Variants in SNTG2 observed in about 807,000 individuals in gnomAD.
SNTG2 encodes the protein syntrophin gamma 2.
A neutral mutation model predicts 70.9 loss-of-function variants in SNTG2; 74 were observed. The observed-to-expected ratio is 1.04, with a 90% CI of 0.86 to 1.27. The LOEUF (loss-of-function observed/expected upper bound fraction) is 1.27. Among genes scored for constraint, SNTG2 ranks in the 50% most tolerant of loss-of-function variants. The pLI is 0.00. For missense variants in SNTG2, 717 were observed against 690.7 expected (o/e 1.04, Z -0.43); for synonymous variants, 278 against 273.8 (o/e 1.02, Z -0.15).
chr2:984,794 C>T (rs1661250772), intron 1 of SNTG2, among the ~76,000 whole-genome samples: 1 of 152,188 alleles, frequency 6.6e-6, no homozygotes, highest in African/African-American at 2.4e-5. Context: ...TGCGTCAGCT[C>T]CACGGGGAGG....
At chr2:1,089,527 C>T (rs1005525841) in intron 2 of SNTG2, among the ~76,000 whole-genome samples, 7 of 152,156 alleles carry the variant, frequency 4.6e-5, no homozygotes, top group Non-Finnish European at 4.4e-5. Flanking sequence ...CCCAGCTACT[C>T]AGGAGGCTGA....
intron 6 of SNTG2, 65 bp from the exon 7 acceptor site, chr2:1,165,483 A>G: frequency 7.0e-7 from 1 of 1,433,894 alleles, no homozygotes; most frequent in Middle Eastern, 1.8e-4. Flanking sequence ...GAGAGATTTT[A>G]TTTTTTAATT....
intron 16 of SNTG2, among the ~76,000 whole-genome samples, chr2:1,331,921 C>G (rs376394867): frequency 2.0e-5 from 3 of 152,154 alleles, no homozygotes; most frequent in Admixed American, 6.5e-5. Flanking sequence ...TCCAGCTTCA[C>G]GACATAACCC....
chr2:1,072,746 A>T (rs1255233130), intron 1 of SNTG2, among the ~76,000 whole-genome samples: 1 of 152,164 alleles, frequency 6.6e-6, no homozygotes, highest in Non-Finnish European at 1.5e-5. Context: ...GATTCCTCTG[A>T]TGGATCTGGG....
intron 8 of SNTG2, among the ~76,000 whole-genome samples, chr2:1,201,705 G>T (rs1480697863): frequency 6.6e-6 from 1 of 151,844 alleles, no homozygotes; most frequent in African/African-American, 2.4e-5. Context: ...TCATATGCAT[G>T]TATCAAAGTA....
intron 16 of SNTG2, among the ~76,000 whole-genome samples, chr2:1,347,837 G>A (rs968766129): frequency 3.3e-5 from 5 of 152,224 alleles, no homozygotes; most frequent in Admixed American, 1.3e-4. Flanking sequence ...TAAAGGCATT[G>A]TGCCCCTGCC....
intron 4 of SNTG2, among the ~76,000 whole-genome samples, chr2:1,109,383 T>A (rs1666294859): frequency 6.6e-6 from 1 of 152,072 alleles, no homozygotes; most frequent in Non-Finnish European, 1.5e-5. Flanking sequence ...GAAAACCACA[T>A]GCTGAAAAAG....
intron 1 of SNTG2, among the ~76,000 whole-genome samples, chr2:966,241 TG>T (rs1174618682): frequency 1.3e-5 from 2 of 152,252 alleles, no homozygotes; most frequent in African/African-American, 4.8e-5. Flanking sequence ...TTAAAATGTT[TG>T]TTGTTGCACT....
At chr2:1,216,384 T>C (rs1035075069) in intron 9 of SNTG2, among the ~76,000 whole-genome samples, 5 of 151,762 alleles carry the variant, frequency 3.3e-5, no homozygotes, top group East Asian at 3.9e-4. Context: ...TGTCCTTCGC[T>C]CACTTTTTGA....
rs749824915 is a variant in SNTG2 at position 1,367,472 on chromosome 2, TA to T, written c.*1del. On this transcript the variant is annotated frameshift_variant and stop_lost, in exon 17 of 17. Transcript: ENST00000308624. LOFTEE classifies it high-confidence loss of function. ...TGCCAGAAAATACATGTACAGCAGC[TA>T]AAGGTTGTTTCTGTTGAGTGCTGAA... ...SLARKYMYSS[*>X] 8.1e-5 allele frequency: 126 copies of T among 1,549,008 alleles called. 1 individual carries two copies. The East Asian group carries it at 2.7e-3, about 33-fold the overall frequency.
chr2:1,216,034 T>C (rs1023957911), intron 9 of SNTG2, among the ~76,000 whole-genome samples: 6 of 152,240 alleles, frequency 3.9e-5, no homozygotes, highest in African/African-American at 1.4e-4. Context: ...TGTGTCTTTA[T>C]AGCAGCATGA....
At chr2:1,072,222 A>G (rs73170846) in intron 1 of SNTG2, among the ~76,000 whole-genome samples, 1,714 of 152,274 alleles carry the variant, frequency 0.011, 42 homozygotes, top group African/African-American at 0.039. Context: ...AGGAGAAGTC[A>G]GTTCCTGGCT....
intron 16 of SNTG2, among the ~76,000 whole-genome samples, chr2:1,322,183 G>A (rs1264584221): frequency 1.3e-5 from 2 of 152,200 alleles, no homozygotes; most frequent in African/African-American, 2.4e-5. Context: ...GTGGCAACAA[G>A]CAAGTGTATT....
intron 12 of SNTG2, among the ~76,000 whole-genome samples, chr2:1,257,795 G>A (rs1678207935): frequency 6.6e-6 from 1 of 152,200 alleles, no homozygotes; most frequent in Non-Finnish European, 1.5e-5. Context: ...ATTCTAAGCT[G>A]TAGTTACAGT....
chr2:1,297,392 G>A (rs1680262875), intron 14 of SNTG2, among the ~76,000 whole-genome samples: 1 of 152,228 alleles, frequency 6.6e-6, no homozygotes, highest in South Asian at 2.1e-4. Flanking sequence ...CATTAAATGT[G>A]TGCTGCTGCC....
intron 16 of SNTG2, among the ~76,000 whole-genome samples, chr2:1,339,054 T>G (rs1659955758): frequency 1.3e-5 from 2 of 152,220 alleles, no homozygotes; most frequent in South Asian, 4.1e-4. Context: ...TTATAGCCAT[T>G]GTAGTAGGTG....
At position 1,255,847 on chromosome 2, in the gene SNTG2, TATATAA is replaced by T. The variant is rs1558602379; in HGVS notation, c.1006-3517_1006-3512del. 3.3e-3 allele frequency among the ~76,000 whole-genome samples: 130 copies of T among 39,084 alleles called. 3 individuals carry two copies. Among genetic ancestry groups the T allele is most frequent in the African/African-American group, 0.014 (118 of 8,522 alleles). The allele number at this position is 39,084 out of a possible 152,430, so 25.6% of individuals were successfully genotyped here. A position where few individuals can be genotyped will look rare whatever the true frequency, so the allele number is the denominator to read the frequency against. The stretch of plus-strand genomic sequence containing the variant: ...ATATATATATAAATATATATAAATA[TATATAA>T]ATATATATAAATATATATAAATATA... On this transcript the variant is annotated intron_variant, in intron 12 of 16. Transcript: ENST00000308624.
At chr2:1,332,541 A>G (rs1254410920) in intron 16 of SNTG2, among the ~76,000 whole-genome samples, 2 of 152,220 alleles carry the variant, frequency 1.3e-5, no homozygotes, top group African/African-American at 4.8e-5. Flanking sequence ...AATTATGCTA[A>G]TAATTTGCTA....
intron 14 of SNTG2, among the ~76,000 whole-genome samples, chr2:1,282,860 G>A (rs73177737): frequency 0.011 from 1,742 of 152,006 alleles, 35 homozygotes; most frequent in African/African-American, 0.04. Context: ...GTCCCAACAC[G>A]TCGGCCTACG....
Sources: allele counts gnomAD v4.1 joint callset (sites outside exome capture counted in the v4.1 genomes callset), GRCh38; gene constraint gnomAD v4.1.1; transcripts MANE v1.5; gene names NCBI Gene and HGNC (gene_info 2026-07-23, HGNC 2026-07-21).